Variants in CALN1 observed in about 807,000 individuals in gnomAD.
CALN1 encodes the protein calcium-binding protein 8.
Under a neutral mutation model 30.6 loss-of-function variants are expected in CALN1, and 17 were observed. The ratio of observed to expected loss-of-function variants is 0.56; its 90% CI spans 0.38 to 0.83. The LOEUF is 0.83. Ranked by LOEUF, CALN1 falls within the 40% of genes least tolerant of loss-of-function variation. The probability of loss-of-function intolerance (pLI) is 0.00; values close to 1 mark genes in which losing one functional copy is unlikely to be tolerated. For missense variants in CALN1, 291 were observed against 354.9 expected (o/e 0.82, Z 1.45); for synonymous variants, 156 against 131.4 (o/e 1.19, Z -1.28).
chr7:72,449,869 C>A (rs1294663973), upstream of CALN1, among the ~76,000 whole-genome samples: 1 of 88,172 alleles, frequency 1.1e-5, no homozygotes, highest in Non-Finnish European at 2.2e-5. Flanking sequence ...AGCAAGACTC[C>A]GTCTCAAAAA....
At chr7:71,965,860 T>G (rs1797504996) in intron 5 of CALN1, among the ~76,000 whole-genome samples, 1 of 150,792 alleles carries the variant, frequency 6.6e-6, no homozygotes, top group Non-Finnish European at 1.5e-5. Flanking sequence ...TAACTTAGTA[T>G]TTAAAAGCCT....
intron 3 of CALN1, among the ~76,000 whole-genome samples, chr7:72,222,694 G>A (rs368558793): frequency 7.9e-5 from 12 of 152,090 alleles, no homozygotes; most frequent in African/African-American, 2.9e-4. Context: ...GACACAATCA[G>A]AGACCCCCGT....
chr7:72,410,221 A>T (rs1446466086), intron 1 of CALN1, among the ~76,000 whole-genome samples: 2 of 152,150 alleles, frequency 1.3e-5, no homozygotes, highest in Non-Finnish European at 2.9e-5. Flanking sequence ...TATGTAAGAG[A>T]GGTTGTCAAA....
intron 4 of CALN1, among the ~76,000 whole-genome samples, chr7:72,101,736 T>C (rs1374076170): frequency 6.6e-6 from 1 of 152,112 alleles, no homozygotes; most frequent in Non-Finnish European, 1.5e-5. Context: ...AACATCTCCT[T>C]ATCATAACCT....
intron 3 of CALN1, among the ~76,000 whole-genome samples, chr7:72,115,216 A>C (rs1437517526): frequency 1.4e-5 from 2 of 147,550 alleles, no homozygotes; most frequent in Admixed American, 1.4e-4. Context: ...ATAATATATA[A>C]TATATACTAT....
upstream of CALN1, among the ~76,000 whole-genome samples, chr7:72,447,463 G>A (rs1224278662): frequency 2.0e-5 from 3 of 152,142 alleles, no homozygotes; most frequent in South Asian, 2.1e-4. Context: ...GGTCCTGCTC[G>A]CTGTCTTCCA....
In CALN1 at chr7:72,247,227, C is replaced by CTTTTTTT. The variant is rs764276435; in HGVS notation, c.244+31452_244+31458dup. ...GGGTTTTCAACAGACCATTTTCTTT[C>CTTTTTTT]TTTTTTTTTTTTTTTTTTTTTTTTT... On this transcript the variant is annotated intron_variant, in intron 3 of 6. Coordinates refer to ENST00000395275, the MANE Select transcript of CALN1 (RefSeq NM_031468.4). 9.9e-4 allele frequency among the ~76,000 whole-genome samples: 77 copies of CTTTTTTT among 77,700 alleles called. 7 individuals are homozygous for CTTTTTTT. The highest frequency in any genetic ancestry group is 1.4e-3 in the Non-Finnish European group (62 of 42,958). 51.0% of individuals were successfully genotyped at this position (77,700 alleles called of 152,430 possible).
At chr7:72,395,819 G>A (rs372680696) in intron 2 of CALN1, among the ~76,000 whole-genome samples, 96 of 152,070 alleles carry the variant, frequency 6.3e-4, no homozygotes, top group Middle Eastern at 3.2e-3. Flanking sequence ...ATAGCAGGGT[G>A]GCAAAAATCC....
rs758546068 is a variant in CALN1 at position 72,067,637 on chromosome 7, A to C, written c.388+38514T>G. 1.1e-4 allele frequency among the ~76,000 whole-genome samples: 16 copies of C among 152,324 alleles called. No individual in the cohort carries two copies. The East Asian group carries it at 1.2e-3, about 11-fold the overall frequency. ...AAAGAAAAATTTAAAAAAATCAGCT[A>C]TCTCTCAATAAAAAGTTATAGGGGA... On this transcript the variant is annotated intron_variant, in intron 4 of 6. Coordinates refer to ENST00000395275, the MANE Select transcript of CALN1 (RefSeq NM_031468.4).
intron 3 of CALN1, among the ~76,000 whole-genome samples, chr7:72,126,763 C>A (rs1446338795): frequency 6.7e-6 from 1 of 149,430 alleles, no homozygotes; most frequent in African/African-American, 2.5e-5. Context: ...CCAGCTCCAT[C>A]CAATTTGCTG....
chr7:72,188,322 TAC>T (rs2129546628), intron 3 of CALN1, among the ~76,000 whole-genome samples: 1 of 152,246 alleles, frequency 6.6e-6, no homozygotes, highest in South Asian at 2.1e-4. Flanking sequence ...AGTTTACGTA[TAC>T]ATATTCTTTA....
At chr7:72,350,501 C>T (rs1395205482) in intron 2 of CALN1, among the ~76,000 whole-genome samples, 1 of 152,124 alleles carries the variant, frequency 6.6e-6, no homozygotes, top group African/African-American at 2.4e-5. Flanking sequence ...GAGCTGGAGG[C>T]CATTATCCTA....
At chr7:72,312,774 A>G (rs989485524) in intron 2 of CALN1, among the ~76,000 whole-genome samples, 1 of 152,160 alleles carries the variant, frequency 6.6e-6, no homozygotes, top group Non-Finnish European at 1.5e-5. Flanking sequence ...TTATTTTCCT[A>G]TTGAAAAAAA....
chr7:71,811,205 T>C (rs1456310562), intron 5 of CALN1, among the ~76,000 whole-genome samples: 1 of 151,820 alleles, frequency 6.6e-6, no homozygotes, highest in Admixed American at 6.6e-5. Context: ...CCTAATTATG[T>C]ATCGTTTAAA....
Position 72,278,553 on chromosome 7 carries a change from T to C in CALN1, c.244+133A>G, listed in dbSNP as rs569685539. The C allele has an allele frequency of 5.0e-6, 6 of 1,194,074 alleles. No homozygotes were observed. In the South Asian group the frequency reaches 7.1e-5, roughly 14 times the overall value. The allele number at this position is 1,194,074 out of a possible 1,614,324, so 74.0% of individuals were successfully genotyped here. ...AACTTTGTCTCTGAACTCTTTCCCA[T>C]TATGCCATGGCTACACTTGGCCACA... On this transcript the variant is annotated intron_variant, in intron 3 of 6. Transcript: ENST00000395275.
chr7:72,268,518 G>GT (rs1313916548), intron 3 of CALN1, among the ~76,000 whole-genome samples: 1 of 152,100 alleles, frequency 6.6e-6, no homozygotes, highest in Non-Finnish European at 1.5e-5. Flanking sequence ...TAAATTAATT[G>GT]TAACAGGATG....
chr7:72,406,616 T>A (rs928260897), intron 1 of CALN1, among the ~76,000 whole-genome samples: 16 of 52,320 alleles, frequency 3.1e-4, no homozygotes, highest in Non-Finnish European at 4.0e-4. Context: ...CCTTGTCAGC[T>A]TTTTTTTTTT....
At chr7:72,086,226 T>C (rs773817510) in intron 4 of CALN1, among the ~76,000 whole-genome samples, 3 of 152,198 alleles carry the variant, frequency 2.0e-5, no homozygotes, top group Admixed American at 6.5e-5. Flanking sequence ...TAAATATTGT[T>C]AAAGAACTGT....
chr7:72,166,854 G>C (rs1259284086), intron 3 of CALN1, among the ~76,000 whole-genome samples: 1 of 152,002 alleles, frequency 6.6e-6, no homozygotes, highest in Admixed American at 6.6e-5. Flanking sequence ...ACCAGCTTGG[G>C]CAACATGGTG....
Sources: allele counts gnomAD v4.1 joint callset (sites outside exome capture counted in the v4.1 genomes callset), GRCh38; gene constraint gnomAD v4.1.1; transcripts MANE v1.5; gene names NCBI Gene and HGNC (gene_info 2026-07-23, HGNC 2026-07-21).